The following KIF1B variants were observed in gnomAD, a reference collection of about 807,000 sequenced individuals.
KIF1B encodes kinesin-like protein KIF1B.
In KIF1B, 76 loss-of-function variants were observed where a neutral mutation model predicts 241.9. That is an observed-to-expected ratio of 0.31 (90% CI 0.26 to 0.38). The LOEUF is 0.38. KIF1B is among the 10% of genes least tolerant of loss of function. The pLI is 1.00. For missense variants in KIF1B, 1,622 were observed against 2,271.4 expected, an observed-to-expected ratio of 0.71 and a Z score of 5.81; for synonymous variants, 750 against 796.7, an observed-to-expected ratio of 0.94 and a Z score of 0.99.
intron 17 of KIF1B, among the ~76,000 whole-genome samples, chr1:10,293,417 G>A (rs11580789): frequency 0.35 from 46,829 of 134,732 alleles, 7,641 homozygotes; most frequent in Middle Eastern, 0.42. Context: ...TTTTTTTTGA[G>A]ACAGAGTCTC....
chr1:10,349,641 G>A (rs1652717451), intron 37 of KIF1B, among the ~76,000 whole-genome samples: 1 of 148,436 alleles, frequency 6.7e-6, no homozygotes, highest in Non-Finnish European at 1.5e-5. Context: ...TTTTTTTCCA[G>A]ACACAAGCAT....
chr1:10,303,057 AT>A lies in KIF1B; in HGVS notation c.2115+5814del, dbSNP rs1170592715. ...TTAGTTTTTTTGGTCTTATTTTTAA[AT>A]TTGGTTAAGGCTTTTTTGCTTGCTT... On this transcript the variant is annotated intron_variant, in intron 22 of 48. Coordinates refer to ENST00000676179, the MANE Select transcript of KIF1B (RefSeq NM_001365951.3). The surrounding 1 kb of genome is among the most constrained non-coding windows in gnomAD (Gnocchi z 5.2). The A allele has an allele frequency of 2.9e-6, 4 of 1,373,400 alleles. No homozygotes were observed. In the African/African-American group the frequency reaches 5.9e-5, roughly 20 times the overall value. 85.1% of individuals were successfully genotyped at this position (1,373,400 alleles called of 1,614,324 possible). A position where few individuals can be genotyped will look rare whatever the true frequency, so the allele number is the denominator to read the frequency against.
chr1:10,378,608 G>C lies in KIF1B; in HGVS notation c.*2021G>C. 1 of 591,474 alleles carries C rather than the reference G, an allele frequency of 1.7e-6. No individual in the cohort carries two copies. The highest frequency in any genetic ancestry group is 3.0e-6 in the Non-Finnish European group (1 of 330,934). 36.6% of individuals were successfully genotyped at this position (591,474 alleles called of 1,614,324 possible). A position where few individuals can be genotyped will look rare whatever the true frequency, so the allele number is the denominator to read the frequency against. ...GTTGCTGACTCTCAGGCGTTAGGCA[G>C]CTGGATGACTTCCCGCTTCACGCAG... is the stretch of plus-strand genomic sequence containing the variant. On this transcript the variant is annotated 3_prime_UTR_variant, in exon 49 of 49. Transcript: ENST00000676179.
intron 22 of KIF1B, among the ~76,000 whole-genome samples, chr1:10,318,575 C>T (rs1436401475): frequency 2.0e-5 from 3 of 147,126 alleles, no homozygotes; most frequent in Admixed American, 6.6e-5. Flanking sequence ...AAAAATTAGT[C>T]GGGCATGGTG....
intron 24 of KIF1B, 34 bp from the exon 25 acceptor site, chr1:10,323,850 A>C (rs1462133135): frequency 6.3e-7 from 1 of 1,593,266 alleles, no homozygotes; most frequent in South Asian, 1.1e-5. Context: ...GCTTGCTGAA[A>C]ACCATTTGTC....
At chr1:10,267,286 C>A in intron 5 of KIF1B, 94 bp from the exon 6 acceptor site, 1 of 1,081,054 alleles carries the variant, frequency 9.3e-7, no homozygotes, top group Non-Finnish European at 1.4e-6. Context: ...CCTTGGCCTC[C>A]CAAAGTGCTG....
At position 10,232,387 on chromosome 1, in the gene KIF1B, C is replaced by A. The variant is rs538135467; in HGVS notation, c.59C>A (p.Thr20Asn). Residue 20 changes from threonine (T) to asparagine (N), a missense_variant, in exon 2 of 49, where the codon ACC (threonine) becomes AAC (asparagine). Around this residue, in one of 7 missense-constraint regions of KIF1B, gnomAD observed 156 missense variants for 244.8 expected, o/e 0.64. Coordinates refer to ENST00000676179, the MANE Select transcript of KIF1B (RefSeq NM_001365951.3). ...VRVRPFNSRE[T>N]SKESKCIIQM... Reference sequence around the variant, plus strand: ...GTAAGGCCCTTCAATTCTCGAGAGACCAGCAAGGAATCCAAATGCATCATT... The same window carrying A: ...GTAAGGCCCTTCAATTCTCGAGAGAACAGCAAGGAATCCAAATGCATCATT... The A allele has an allele frequency of 1.2e-6, 2 of 1,614,040 alleles. No homozygotes were observed. Among genetic ancestry groups the A allele is most frequent in the East Asian group, 2.2e-5 (1 of 44,882 alleles).
rs553778968 is a variant in KIF1B, at chr1:10,261,640, T to C, written c.364-265T>C. The stretch of plus-strand genomic sequence containing the variant: ...CTACACAGGGTCAGGATCATCAAGA[T>C]ATCACTAGGTGACAGGAATTTTCCA... On this transcript the variant is annotated intron_variant, in intron 4 of 48. Transcript: ENST00000676179. 7.2e-5 allele frequency among the ~76,000 whole-genome samples: 11 copies of C among 152,338 alleles called. No individual in the cohort carries two copies. In the South Asian group the frequency reaches 2.1e-3, roughly 29 times the overall value.
intron 2 of KIF1B, among the ~76,000 whole-genome samples, chr1:10,235,862 C>CAAAAAAAAAAAAAAAAAAA: frequency 1.4e-5 from 1 of 70,380 alleles, no homozygotes; most frequent in Non-Finnish European, 2.7e-5. Context: ...AACACTGTCT[C>CAAAAAAAAAAAAAAAAAAA]AAAAAAAAAA....
intron 45 of KIF1B, among the ~76,000 whole-genome samples, chr1:10,373,556 A>C (rs1364421846): frequency 6.6e-6 from 1 of 152,082 alleles, no homozygotes; most frequent in Non-Finnish European, 1.5e-5. Flanking sequence ...AAAAAAAAAA[A>C]AGAATGAAGT....
chr1:10,223,660 C>T (rs1329865137), intron 1 of KIF1B, among the ~76,000 whole-genome samples: 1 of 151,336 alleles, frequency 6.6e-6, no homozygotes, highest in Non-Finnish European at 1.5e-5. Context: ...AATTATCCTG[C>T]CTCAGCTTCC....
chr1:10,278,521 T>G (rs1649237168), intron 13 of KIF1B: 1 of 249,412 alleles, frequency 4.0e-6, no homozygotes, highest in Admixed American at 5.2e-5. Context: ...TTGCTCTGGA[T>G]TAGTGTCGTG....
chr1:10,344,971 T>G (rs532455686), intron 34 of KIF1B: 1 of 152,208 alleles, frequency 6.6e-6, no homozygotes, highest in Non-Finnish European at 1.5e-5. Context: ...GTCGGACAGA[T>G]TGCTTGAGCT....
In KIF1B at chr1:10,365,446, G is replaced by T. The variant is rs1192354175; in HGVS notation, c.4550G>T (p.Arg1517Ile). 4 of 1,614,146 alleles carry T rather than the reference G, an allele frequency of 2.5e-6. No individual in the cohort carries two copies. The highest frequency in any genetic ancestry group is 2.5e-6 in the Non-Finnish European group (3 of 1,180,036). ...KTRHFLLLRE[R>I]LGDSIPKSLS... ...CGCCACTTTTTGCTGCTGCGTGAGA[G>T]ACTTGGTGACAGCATCCCCAAATCC... Residue 1517 changes from arginine (R) to isoleucine (I), a missense_variant, in exon 43 of 49, where the codon AGA (arginine) becomes ATA (isoleucine). Around this residue, in one of 7 missense-constraint regions of KIF1B, gnomAD observed 357 missense variants for 409.0 expected, o/e 0.87. Coordinates refer to ENST00000676179, the MANE Select transcript of KIF1B (RefSeq NM_001365951.3). The surrounding 1 kb of genome is among the most constrained non-coding windows in gnomAD (Gnocchi z 4.0).
chr1:10,319,626 A>G (rs1651446530), intron 22 of KIF1B, among the ~76,000 whole-genome samples: 1 of 152,148 alleles, frequency 6.6e-6, no homozygotes, highest in Non-Finnish European at 1.5e-5. Flanking sequence ...GAGATTTTTG[A>G]TGATACTGGT....
intron 2 of KIF1B, among the ~76,000 whole-genome samples, chr1:10,241,672 A>G (rs1165878110): frequency 6.6e-6 from 1 of 152,176 alleles, no homozygotes. Flanking sequence ...TGAGATTGTC[A>G]TAATTAAAAT....
At chr1:10,242,626 C>T (rs1268235434) in intron 2 of KIF1B, among the ~76,000 whole-genome samples, 4 of 152,086 alleles carry the variant, frequency 2.6e-5, no homozygotes, top group African/African-American at 4.8e-5. Context: ...AAACAATTCT[C>T]CTGCCTAAGC....
In KIF1B at chr1:10,318,084, C is replaced by CT. The variant is rs1294985615; in HGVS notation, c.2116-1951dup. ...CCTCTTACCAGTTTAATTTTTTTTTCTTTTTTTTCATAACATGTAGTCTCC... is the reference window on the plus strand; with the variant it reads ...CCTCTTACCAGTTTAATTTTTTTTTCTTTTTTTTTCATAACATGTAGTCTCC... On this transcript the variant is annotated intron_variant, in intron 22 of 48. Transcript: ENST00000676179. Among the ~76,000 whole-genome samples the CT allele has an allele frequency of 1.5e-4, 23 of 150,284 alleles. No individual in the cohort carries two copies. The East Asian group carries it at 3.7e-3, about 24-fold the overall frequency.
intron 22 of KIF1B, among the ~76,000 whole-genome samples, chr1:10,298,778 A>C (rs1057382993): frequency 6.6e-6 from 1 of 152,190 alleles, no homozygotes; most frequent in African/African-American, 2.4e-5. Context: ...AACATCCATC[A>C]ATTTATTTGA....
Sources: gnomAD v4.1 joint callset for allele counts (sites outside exome capture counted in the v4.1 genomes callset) on GRCh38, gnomAD v4.1.1 for gene constraint, gnomAD v4.1.1 regional missense constraint, Gnocchi (gnomAD v3.1) non-coding constraint, MANE v1.5 for transcripts, NCBI Gene and HGNC (gene_info 2026-07-23, HGNC 2026-07-21) for gene names.